SAMD9: variants seen among roughly 807,000 people sequenced by gnomAD.
SAMD9 encodes the protein sterile alpha motif domain-containing protein 9.
A neutral mutation model predicts 1.5 loss-of-function variants in SAMD9; 3 were observed. The observed-to-expected ratio is 2.05, with a 90% CI of 0.93 to 5.29. The LOEUF is 5.29. SAMD9 is among the 30% of genes most tolerant of loss of function. The pLI, the probability that SAMD9 is intolerant of heterozygous loss-of-function variation, is 0.02. For synonymous variants in SAMD9, 635 were observed against 631.9 expected, an observed-to-expected ratio of 1.00 and a Z score of -0.07; for missense variants, 1,597 against 1,820.8, an observed-to-expected ratio of 0.88 and a Z score of 2.24.
chr7:93,101,004 T>C lies in SAMD9; in HGVS notation c.*324A>G. The C allele has an allele frequency of 3.0e-6, 1 of 338,054 alleles. No homozygotes were observed. The highest frequency in any genetic ancestry group is 3.4e-5 in the South Asian group (1 of 29,694). 20.9% of individuals were successfully genotyped at this position (338,054 alleles called of 1,614,324 possible). On this transcript the variant is annotated 3_prime_UTR_variant, in exon 3 of 3. Coordinates refer to ENST00000379958, the MANE Select transcript of SAMD9 (RefSeq NM_017654.4). ...TAGACAATCTTCTTCAATCCATGCC[T>C]GGTAAGTAGTGGGGTTCTGTGTAGC...
chr7:93,102,181 A>G lies in SAMD9; in HGVS notation c.3917T>C (p.Ile1306Thr), dbSNP rs762899305. 9 of 1,613,548 alleles carry G rather than the reference A, an allele frequency of 5.6e-6. No individual in the cohort carries two copies. The South Asian group carries it at 8.8e-5, about 16-fold the overall frequency. Reference sequence around the variant, plus strand: ...TTGTGATTCTTCTAAGAGACAAAATATATCTACATATTTCTTAAAATATCC... The same window carrying G: ...TTGTGATTCTTCTAAGAGACAAAATGTATCTACATATTTCTTAAAATATCC... ...VAGYFKKYVD[I>T]FCLLEESQNN... is the part of the protein sequence containing the mutation. The change falls in exon 3 of 3, where the codon ATA becomes ACA. Residue 1306 changes from isoleucine (I) to threonine (T), a missense_variant. By Grantham distance (89) the Ile-to-Thr change is moderately conservative. Around this residue, in one of 6 missense-constraint regions of SAMD9, gnomAD observed 682 missense variants for 810.0 expected, o/e 0.84. Transcript: ENST00000379958.
At chr7:93,108,945 G>A (rs112960633) in intron 2 of SAMD9, among the ~76,000 whole-genome samples, 1,906 of 152,280 alleles carry the variant, frequency 0.013, 42 homozygotes, top group African/African-American at 0.043. Flanking sequence ...AGCTTTGAAA[G>A]GAGCAGTGGT....
At position 93,105,797 on chromosome 7, in the gene SAMD9, C is replaced by G. The variant is rs1203790711; in HGVS notation, c.301G>C (p.Val101Leu). The G allele has an allele frequency of 6.2e-7, 1 of 1,614,124 alleles. No individual in the cohort carries two copies. The highest frequency in any genetic ancestry group is 1.1e-5 in the South Asian group (1 of 91,084). ...GTTTCTCTACGTTCCTTTTGAGACA[C>G]AGTTTGGTCTTTAGGAGCATTTTTA... ...PSKNAPKDQT[V>L]SQKERRETSK... Residue 101 changes from valine (V) to leucine (L), a missense_variant, in exon 3 of 3, where the codon GTG becomes CTG. By Grantham distance (32) the Val-to-Leu change is conservative. Transcript: ENST00000379958.
At chr7:93,109,657 C>T (rs1165384806) in intron 2 of SAMD9, among the ~76,000 whole-genome samples, 1 of 152,094 alleles carries the variant, frequency 6.6e-6, no homozygotes, top group Non-Finnish European at 1.5e-5. Flanking sequence ...CTACGTGACG[C>T]ATGCACAAGC....
Position 93,104,640 on chromosome 7 carries a change from G to A in SAMD9, c.1458C>T (p.Tyr486=). The change falls in exon 3 of 3, where the codon TAC becomes TAT. Residue 486 remains tyrosine (Y), a synonymous_variant. Transcript: ENST00000379958. ...TGCAGAAAATCCAGCTGGGTTGATG[G>A]TAAAGATTTAGAGTAGAAATCGTCT... ...PNETISTLNL[Y]HQPSWIFCNG... 1 of 1,614,068 alleles carries A rather than the reference G, an allele frequency of 6.2e-7. No individual in the cohort carries two copies. Among genetic ancestry groups the A allele is most frequent in the Non-Finnish European group, 8.5e-7 (1 of 1,179,934 alleles).
Position 93,102,037 on chromosome 7 carries a change from C to T in SAMD9, c.4061G>A (p.Ser1354Asn). Reference protein sequence around the residue: ...FSGLLEYLIKSQEDAISTMKC... With the variant: ...FSGLLEYLIKNQEDAISTMKC... ...CATAGTGCTTATAGCATCCTCTTGA[C>T]TTTTGATAAGATATTCCAAGAGCCC... The change falls in exon 3 of 3, where the codon AGT becomes AAT. Residue 1354 changes from serine (S) to asparagine (N), a missense_variant. This residue lies in a region of SAMD9 where 682 missense variants were observed against 810.0 expected (regional missense o/e 0.84). Coordinates refer to ENST00000379958, the MANE Select transcript of SAMD9 (RefSeq NM_017654.4). The T allele has an allele frequency of 6.2e-7, 1 of 1,613,306 alleles. No homozygotes were observed. The highest frequency in any genetic ancestry group is 8.5e-7 in the Non-Finnish European group (1 of 1,179,702).
intron 2 of SAMD9, among the ~76,000 whole-genome samples, chr7:93,113,542 A>G (rs1039943037): frequency 1.3e-4 from 20 of 152,204 alleles, no homozygotes; most frequent in Admixed American, 1.3e-4. Flanking sequence ...GAAAATTTTT[A>G]CAATCTACCC....
Position 93,102,392 on chromosome 7 carries a change from T to C in SAMD9, c.3706A>G (p.Ser1236Gly). ...TTGTTTGGATCCCCTGGAATATCAC[T>C]ACTTCCTGATACAAAATTGACCATA... ...RYMVNFVSGS[S>G]DIPGDPNNEY... Residue 1236 changes from serine (S) to glycine (G), a missense_variant, in exon 3 of 3, where the codon AGT (serine) becomes GGT (glycine). This residue lies in a region of SAMD9 where 682 missense variants were observed against 810.0 expected (regional missense o/e 0.84). Transcript: ENST00000379958. 6.2e-7 allele frequency: 1 copy of C among 1,609,462 alleles called. No homozygotes were observed. Among genetic ancestry groups the C allele is most frequent in the Middle Eastern group, 1.7e-4 (1 of 6,048 alleles).
intron 1 of SAMD9, among the ~76,000 whole-genome samples, chr7:93,115,968 T>C (rs904504486): frequency 1.3e-5 from 2 of 152,210 alleles, no homozygotes; most frequent in Non-Finnish European, 2.9e-5. Context: ...ATCCATTTAC[T>C]GAGTCACGTC....
At position 93,106,003 on chromosome 7, in the gene SAMD9, T is replaced by A. The variant is rs746748986; in HGVS notation, c.95A>T (p.His32Leu). ...GTCTTGTTCAGTCAAAATTTCCCTG[T>A]GTTTTTGGTCAATCTTATGACTTTC... ...WLESHKIDQK[H>L]REILTEQDVN... is the part of the protein sequence containing the mutation. The change falls in exon 3 of 3, where the codon CAC (histidine) becomes CTC (leucine). Residue 32 changes from histidine (H) to leucine (L), a missense_variant. By Grantham distance (99) the His-to-Leu change is moderately conservative (BLOSUM62 -3). This residue lies in a region of SAMD9 where 498 missense variants were observed against 457.4 expected (regional missense o/e 1.09). Transcript: ENST00000379958. 109 of 1,592,606 alleles carry A rather than the reference T, an allele frequency of 6.8e-5. 2 individuals carry two copies. The East Asian group carries it at 1.5e-3, about 22-fold the overall frequency.
chr7:93,111,219 C>A (rs1205814000), intron 2 of SAMD9, among the ~76,000 whole-genome samples: 1 of 152,006 alleles, frequency 6.6e-6, no homozygotes, highest in African/African-American at 2.4e-5. Context: ...GGGTACATAA[C>A]GAAATGAAGG....
chr7:93,101,906 T>A lies in SAMD9; in HGVS notation c.4192A>T (p.Ile1398Phe), dbSNP rs1382855037. 1 of 1,613,786 alleles carries A rather than the reference T, an allele frequency of 6.2e-7. No homozygotes were observed. The highest frequency in any genetic ancestry group is 2.2e-5 in the East Asian group (1 of 44,884). Reference protein sequence around the residue: ...FILANIILSCIQPTSRLVKPV... With the variant: ...FILANIILSCFQPTSRLVKPV... ...TTTACTAATCTGGAGGTAGGTTGGA[T>A]ACAGGAGAGAATAATGTTGGCCAAG... is the stretch of plus-strand genomic sequence containing the variant. Residue 1398 changes from isoleucine to phenylalanine, a missense_variant, in exon 3 of 3, where the codon ATC becomes TTC. Ile to Phe is a conservative substitution (Grantham distance 21). Coordinates refer to ENST00000379958, the MANE Select transcript of SAMD9 (RefSeq NM_017654.4).
chr7:93,105,954 C>T lies in SAMD9; in HGVS notation c.144G>A (p.Trp48Ter). 1 of 1,611,462 alleles carries T rather than the reference C, an allele frequency of 6.2e-7. No homozygotes were observed. Among genetic ancestry groups the T allele is most frequent in the East Asian group, 2.2e-5 (1 of 44,860 alleles). ...EQDVNGAVLK[W>*]LKKEHLVDMG... Reference sequence around the variant, plus strand: ...TATCAACAAGATGTTCTTTTTTTAACCACTTCAAGACTGCTCCATTCACGT... The same window carrying T: ...TATCAACAAGATGTTCTTTTTTTAATCACTTCAAGACTGCTCCATTCACGT... The change falls in exon 3 of 3, where the codon TGG becomes TGA. Residue 48 changes from tryptophan (W) to a stop codon, truncating the protein, a stop_gained. Coordinates refer to ENST00000379958, the MANE Select transcript of SAMD9 (RefSeq NM_017654.4). LOFTEE classifies it low-confidence loss of function (END_TRUNC).
chr7:93,112,532 G>A (rs1180496324), intron 2 of SAMD9, among the ~76,000 whole-genome samples: 1 of 152,172 alleles, frequency 6.6e-6, no homozygotes, highest in Non-Finnish European at 1.5e-5. Flanking sequence ...GTTTGCAGAT[G>A]ACATGATTGT....
Position 93,100,069 on chromosome 7 carries a change from C to T in SAMD9, c.*1259G>A, listed in dbSNP as rs1454384695. 2 of 151,998 alleles carry T rather than the reference C, an allele frequency of 1.3e-5. No homozygotes were observed. The highest frequency in any genetic ancestry group is 2.1e-4 in the South Asian group (1 of 4,812). The allele number at this position is 151,998 out of a possible 1,614,324, so 9.4% of individuals were successfully genotyped here. A position where few individuals can be genotyped will look rare whatever the true frequency, so the allele number is the denominator to read the frequency against. ...TATGTTGCCCTTTAGTTGTTAAGTCCCTTATAATGTATAGATTCCCCAACA... is the reference window on the plus strand; with the variant it reads ...TATGTTGCCCTTTAGTTGTTAAGTCTCTTATAATGTATAGATTCCCCAACA... On this transcript the variant is annotated 3_prime_UTR_variant, in exon 3 of 3. Coordinates refer to ENST00000379958, the MANE Select transcript of SAMD9 (RefSeq NM_017654.4).
intron 2 of SAMD9, among the ~76,000 whole-genome samples, chr7:93,110,719 A>G (rs912114877): frequency 7.9e-5 from 12 of 152,258 alleles, no homozygotes; most frequent in African/African-American, 2.9e-4. Flanking sequence ...AGGCCATTAC[A>G]TAATGCTAAA....
At position 93,103,478 on chromosome 7, in the gene SAMD9, C is replaced by T. The variant is rs772677852; in HGVS notation, c.2620G>A (p.Glu874Lys). 14 of 1,613,336 alleles carry T rather than the reference C, an allele frequency of 8.7e-6. No individual in the cohort carries two copies. The highest frequency in any genetic ancestry group is 4.5e-5 in the East Asian group (2 of 44,864). The change falls in exon 3 of 3, where the codon GAA (glutamate) becomes AAA (lysine). Residue 874 changes from glutamate (E) to lysine (K), a missense_variant. By Grantham distance (56) the Glu-to-Lys change is moderately conservative. This residue lies in a region of SAMD9 where 3 missense variants were observed against 17.9 expected (regional missense o/e 0.17). Transcript: ENST00000379958. ...AFELKLKEIK[E>K]QHKNFEDFYS... is the part of the protein sequence containing the mutation. ...AAATCCTCAAAGTTTTTATGCTGTT[C>T]TTTGATTTCTTTCAATTTAAGCTCA...
chr7:93,105,028 A>G lies in SAMD9; in HGVS notation c.1070T>C (p.Val357Ala), dbSNP rs761769404. 7 of 1,613,746 alleles carry G rather than the reference A, an allele frequency of 4.3e-6. No individual in the cohort carries two copies. In the East Asian group the frequency reaches 1.3e-4, roughly 31 times the overall value. ...TSSKDITKNK[V>A]DFRAFKADFK... ...ATCTGCTTTAAATGCTCTGAAATCA[A>G]CTTTATTTTTCGTAATGTCCTTAGA... The change falls in exon 3 of 3, where the codon GTT (valine) becomes GCT (alanine). Residue 357 changes from valine to alanine, a missense_variant. By Grantham distance (64) the Val-to-Ala change is moderately conservative. This residue lies in a region of SAMD9 where 498 missense variants were observed against 457.4 expected (regional missense o/e 1.09). Transcript: ENST00000379958.
intron 1 of SAMD9, among the ~76,000 whole-genome samples, chr7:93,116,120 G>A (rs557837520): frequency 1.4e-4 from 22 of 152,244 alleles, no homozygotes; most frequent in Admixed American, 3.9e-4. Flanking sequence ...CCATCTCGCC[G>A]CTTCCCACCA....
Sources: gnomAD v4.1 joint callset for allele counts (sites outside exome capture counted in the v4.1 genomes callset) on GRCh38, gnomAD v4.1.1 for gene constraint, gnomAD v4.1.1 regional missense constraint, MANE v1.5 for transcripts, NCBI Gene and HGNC (gene_info 2026-07-23, HGNC 2026-07-21) for gene names.